Variants in BNC2 observed in about 807,000 individuals in gnomAD.
BNC2 encodes basonuclin zinc finger protein 2.
Under a neutral mutation model 76.3 loss-of-function variants are expected in BNC2, and 20 were observed. The observed-to-expected ratio is 0.26, with a 90% CI of 0.18 to 0.38. BNC2 has a LOEUF of 0.38. Among genes scored for constraint, BNC2 ranks in the 10% least tolerant of loss-of-function variants. The pLI is 1.00. For synonymous variants in BNC2, 582 were observed against 514.8 expected (o/e 1.13, Z -1.77); for missense variants, 1,382 against 1,399.8 (o/e 0.99, Z 0.20).
intron 3 of BNC2, among the ~76,000 whole-genome samples, chr9:16,593,706 C>T (rs1192392636): frequency 6.6e-6 from 1 of 151,998 alleles, no homozygotes; most frequent in Non-Finnish European, 1.5e-5. Flanking sequence ...TGCCTGTATA[C>T]TTACAAATTT....
chr9:16,613,085 A>T (rs992674008), intron 3 of BNC2, among the ~76,000 whole-genome samples: 4 of 152,206 alleles, frequency 2.6e-5, no homozygotes, highest in African/African-American at 9.6e-5. Flanking sequence ...ACCTAGGACC[A>T]TAAGGTTAGA....
chr9:16,786,796 T>C (rs1826306411), intron 1 of BNC2, among the ~76,000 whole-genome samples: 1 of 152,092 alleles, frequency 6.6e-6, no homozygotes, highest in African/African-American at 2.4e-5. Context: ...AGTGGCATCC[T>C]CAAGGGAAGG....
At chr9:16,602,170 GC>G (rs1440738030) in intron 3 of BNC2, among the ~76,000 whole-genome samples, 1 of 152,136 alleles carries the variant, frequency 6.6e-6, no homozygotes, top group African/African-American at 2.4e-5. Context: ...ACTGAACTGG[GC>G]CAAGTGGCTC....
At chr9:16,858,706 C>T (rs1453261603) in intron 1 of BNC2, among the ~76,000 whole-genome samples, 2 of 143,434 alleles carry the variant, frequency 1.4e-5, no homozygotes, top group Non-Finnish European at 3.2e-5. Flanking sequence ...ATTAGCCAGG[C>T]ATGGTGGCGG....
At chr9:16,471,710 C>T (rs1486832397) in intron 5 of BNC2, among the ~76,000 whole-genome samples, 1 of 152,096 alleles carries the variant, frequency 6.6e-6, no homozygotes, top group East Asian at 1.9e-4. Context: ...TGGGGGACTG[C>T]TGGGAAGGCA....
chr9:16,811,203 ACAGAGCGAGACTTCGTCT>A (rs1818041159), intron 1 of BNC2, among the ~76,000 whole-genome samples: 2 of 134,008 alleles, frequency 1.5e-5, no homozygotes, highest in African/African-American at 5.5e-5. Context: ...AGCCTGGGCA[ACAGAGCGAGACTTCGTCT>A]CAAAAGACCA....
chr9:16,477,200 A>G (rs977303052), intron 5 of BNC2, among the ~76,000 whole-genome samples: 7 of 152,194 alleles, frequency 4.6e-5, no homozygotes, highest in Non-Finnish European at 1.0e-4. Flanking sequence ...GAGGTTCCCA[A>G]GTGAGCAATG....
intron 1 of BNC2, among the ~76,000 whole-genome samples, chr9:16,772,790 T>G (rs942611656): frequency 6.6e-6 from 1 of 152,210 alleles, no homozygotes; most frequent in South Asian, 2.1e-4. Flanking sequence ...CAGGGAAGAC[T>G]GGATCTTAGG....
intron 1 of BNC2, among the ~76,000 whole-genome samples, chr9:16,747,872 A>C (rs1287114931): frequency 6.6e-6 from 1 of 152,224 alleles, no homozygotes; most frequent in African/African-American, 2.4e-5. Context: ...CTTAAATTCA[A>C]CTATCTACCA....
At chr9:16,818,322 T>C (rs1453909649) in intron 1 of BNC2, among the ~76,000 whole-genome samples, 2 of 152,064 alleles carry the variant, frequency 1.3e-5, no homozygotes, top group African/African-American at 2.4e-5. Context: ...GAGAATGGCG[T>C]GAACCTTGGA....
intron 3 of BNC2, among the ~76,000 whole-genome samples, chr9:16,707,967 C>CGCTAT (rs1446808732): frequency 6.6e-6 from 1 of 152,070 alleles, no homozygotes; most frequent in Non-Finnish European, 1.5e-5. Flanking sequence ...TCTAAGTATT[C>CGCTAT]ACTACTATGG....
At chr9:16,700,223 G>A (rs966377651) in intron 3 of BNC2, among the ~76,000 whole-genome samples, 5 of 152,092 alleles carry the variant, frequency 3.3e-5, no homozygotes, top group South Asian at 2.1e-4. Flanking sequence ...TCATTGCTAT[G>A]GATGAAACAA....
At position 16,741,068 on chromosome 9, in the gene BNC2, A is replaced by G. The variant is rs80159055; in HGVS notation, c.4-2583T>C. ...TCAATAAATAACAGCTACATGAACA[A>G]AATAATCATCTGAGGAAAGTTAAAG... On this transcript the variant is annotated intron_variant, in intron 1 of 6. Transcript: ENST00000380672. Among the ~76,000 whole-genome samples the G allele has an allele frequency of 3.2e-3, 493 of 152,330 alleles. 2 individuals carry two copies. Among genetic ancestry groups the G allele is most frequent in the African/African-American group, 0.012 (484 of 41,582 alleles).
In BNC2 at chr9:16,454,918, T is replaced by C. The variant is rs552989115; in HGVS notation, c.670-17394A>G. Among the ~76,000 whole-genome samples, 3 of 152,234 alleles carry C rather than the reference T, an allele frequency of 2.0e-5. No homozygotes were observed. In the South Asian group the frequency reaches 6.2e-4, roughly 32 times the overall value. On this transcript the variant is annotated intron_variant, in intron 5 of 6. Coordinates refer to ENST00000380672, the MANE Select transcript of BNC2 (RefSeq NM_017637.6). ...AGCCTATGATTCTTAGTTCATTTGT[T>C]ACAGAATTGTTTATAGTTTTAAGGG...
At chr9:16,713,318 C>T (rs1176755139) in intron 3 of BNC2, among the ~76,000 whole-genome samples, 1 of 152,028 alleles carries the variant, frequency 6.6e-6, no homozygotes, top group African/African-American at 2.4e-5. Flanking sequence ...AGGTAGTTTC[C>T]AACCATCACC....
At chr9:16,673,015 G>A (rs1388004409) in intron 3 of BNC2, among the ~76,000 whole-genome samples, 1 of 152,162 alleles carries the variant, frequency 6.6e-6, no homozygotes, top group Non-Finnish European at 1.5e-5. Context: ...TTTCCTACGA[G>A]CTGGAATCCC....
chr9:16,786,819 G>A lies in BNC2; in HGVS notation c.4-48334C>T, dbSNP rs184162774. On this transcript the variant is annotated intron_variant, in intron 1 of 6. Coordinates refer to ENST00000380672, the MANE Select transcript of BNC2 (RefSeq NM_017637.6). ...CCTCAAGGGAAGGTCATTGATCTGCGGCACAATAACTCCCACCCTGCAACA... is the reference window on the plus strand; with the variant it reads ...CCTCAAGGGAAGGTCATTGATCTGCAGCACAATAACTCCCACCCTGCAACA... Among the ~76,000 whole-genome samples the A allele has an allele frequency of 2.8e-4, 43 of 152,164 alleles. No individual in the cohort carries two copies. In the East Asian group the frequency reaches 6.4e-3, roughly 23 times the overall value.
Position 16,412,294 on chromosome 9 carries a change from G to A in BNC2, c.*6695C>T, listed in dbSNP as rs553938938. On this transcript the variant is annotated 3_prime_UTR_variant, in exon 7 of 7. Coordinates refer to ENST00000380672, the MANE Select transcript of BNC2 (RefSeq NM_017637.6). ...GGAGGGGTCATTGAAAGATGCATTT[G>A]TACACCTACGTCCATGGTTTGATGC... is the stretch of plus-strand genomic sequence containing the variant. The A allele has an allele frequency of 6.6e-6, 1 of 152,576 alleles. No homozygotes were observed. The highest frequency in any genetic ancestry group is 2.1e-4 in the South Asian group (1 of 4,822). 9.5% of individuals were successfully genotyped at this position (152,576 alleles called of 1,614,324 possible). A position where few individuals can be genotyped will look rare whatever the true frequency, so the allele number is the denominator to read the frequency against.
intron 5 of BNC2, among the ~76,000 whole-genome samples, chr9:16,447,901 T>C (rs1170586166): frequency 2.6e-5 from 4 of 152,128 alleles, no homozygotes; most frequent in Admixed American, 6.5e-5. Flanking sequence ...CTCACCTCAA[T>C]TAAACCCTTT....
Sources: allele counts gnomAD v4.1 joint callset (sites outside exome capture counted in the v4.1 genomes callset), GRCh38; gene constraint gnomAD v4.1.1; transcripts MANE v1.5; gene names NCBI Gene and HGNC (gene_info 2026-07-23, HGNC 2026-07-21).